Variants in PLXNA4 observed in about 807,000 individuals in gnomAD.
PLXNA4 encodes the protein plexin A4, also known as plexin-A4.
In PLXNA4, 44 loss-of-function variants were observed where a neutral mutation model predicts 191.8. The observed-to-expected ratio is 0.23, with a 90% CI of 0.18 to 0.29. PLXNA4 has a LOEUF of 0.29. Ranked by LOEUF, PLXNA4 falls within the 10% of genes least tolerant of loss-of-function variation. PLXNA4 has a pLI of 1.00. For missense variants in PLXNA4, 1,800 were observed against 2,488.8 expected (o/e 0.72, Z 5.89); for synonymous variants, 1,082 against 1,009.5 (o/e 1.07, Z -1.36).
At chr7:132,417,107 C>T (rs1794687226) in intron 3 of PLXNA4, among the ~76,000 whole-genome samples, 1 of 152,194 alleles carries the variant, frequency 6.6e-6, no homozygotes, top group Non-Finnish European at 1.5e-5. Flanking sequence ...TGTATGCCCA[C>T]TCTACAGGGA....
intron 3 of PLXNA4, chr7:132,383,744 G>C: frequency 9.1e-6 from 9 of 984,618 alleles, no homozygotes; most frequent in Non-Finnish European, 1.1e-5. Context: ...TATTACCCTT[G>C]AAACAAATTA....
chr7:132,538,086 C>T (rs1389454562), intron 1 of PLXNA4, among the ~76,000 whole-genome samples: 1 of 152,228 alleles, frequency 6.6e-6, no homozygotes, highest in Admixed American at 6.5e-5. Flanking sequence ...TCCCCTTCTC[C>T]AGTCCTCCCA....
At chr7:132,485,812 A>C (rs1256773164) in intron 3 of PLXNA4, among the ~76,000 whole-genome samples, 1 of 152,186 alleles carries the variant, frequency 6.6e-6, no homozygotes, top group Non-Finnish European at 1.5e-5. Context: ...GAAAACATCA[A>C]AGACATCTAA....
intron 25 of PLXNA4, among the ~76,000 whole-genome samples, chr7:132,157,090 TC>T (rs1179444009): frequency 1.3e-5 from 2 of 152,180 alleles, no homozygotes; most frequent in Non-Finnish European, 2.9e-5. Context: ...GGGATCTTAT[TC>T]CTCCAAGTGT....
At chr7:132,226,988 G>C (rs989370273) in intron 7 of PLXNA4, among the ~76,000 whole-genome samples, 1 of 152,252 alleles carries the variant, frequency 6.6e-6, no homozygotes, top group African/African-American at 2.4e-5. Flanking sequence ...TCCCAGGGCA[G>C]CTTGCCCCCA....
intron 4 of PLXNA4, among the ~76,000 whole-genome samples, chr7:132,251,415 G>A (rs943540064): frequency 3.9e-5 from 6 of 152,094 alleles, no homozygotes; most frequent in Admixed American, 2.0e-4. Flanking sequence ...AGAAGAAGGC[G>A]GGGAGGGGCT....
chr7:132,174,706 A>G, intron 21 of PLXNA4, 72 bp downstream of exon 21: 2 of 1,573,252 alleles, frequency 1.3e-6, no homozygotes, highest in Non-Finnish European at 1.7e-6. Flanking sequence ...CACCTCCGAA[A>G]GAAGGGGCTG....
Position 132,181,233 on chromosome 7 carries a change from G to A in PLXNA4, c.3492+148C>T, listed in dbSNP as rs1002197476. 1.2e-5 allele frequency: 17 copies of A among 1,407,544 alleles called. No individual in the cohort carries two copies. The African/African-American group carries it at 2.0e-4, about 16-fold the overall frequency. The allele number at this position is 1,407,544 out of a possible 1,614,324, so 87.2% of individuals were successfully genotyped here. A position where few individuals can be genotyped will look rare whatever the true frequency, so the allele number is the denominator to read the frequency against. ...GTTTTCTTCCCAGTACAGACTCAGA[G>A]AGAACATTTATCACACTCTGGGCTA... is the stretch of plus-strand genomic sequence containing the variant. On this transcript the variant is annotated intron_variant, in intron 18 of 31. Coordinates refer to ENST00000321063, the MANE Select transcript of PLXNA4 (RefSeq NM_020911.2).
At chr7:132,498,958 C>G (rs1418890646) in intron 2 of PLXNA4, among the ~76,000 whole-genome samples, 1 of 152,240 alleles carries the variant, frequency 6.6e-6, no homozygotes, top group South Asian at 2.1e-4. Flanking sequence ...TTGGGACCAT[C>G]TGTGGCCCAA....
chr7:132,226,216 C>T lies in PLXNA4; in HGVS notation c.1927G>A (p.Gly643Ser), dbSNP rs1460318926. The T allele has an allele frequency of 2.5e-6, 4 of 1,613,758 alleles. No homozygotes were observed. Among genetic ancestry groups the T allele is most frequent in the South Asian group, 1.1e-5 (1 of 91,070 alleles). Residue 643 changes from glycine to serine, a missense_variant, in exon 8 of 32, where the codon GGC becomes AGC. Transcript: ENST00000321063. ...VQLQLKSKET[G>S]MTFASTSFVF... The stretch of plus-strand genomic sequence containing the variant: ...AAGCTGGTGCTGGCGAAGGTCATGC[C>T]GGTCTCCTTTGATTTGAGCTGAAGC...
At chr7:132,520,476 C>T (rs561365389) in intron 1 of PLXNA4, among the ~76,000 whole-genome samples, 1 of 152,176 alleles carries the variant, frequency 6.6e-6, no homozygotes, top group Non-Finnish European at 1.5e-5. Flanking sequence ...GCCCCACCCA[C>T]CCAAGGGCTT....
intron 2 of PLXNA4, among the ~76,000 whole-genome samples, chr7:132,504,944 G>A (rs1453903106): frequency 3.3e-5 from 5 of 152,204 alleles, no homozygotes; most frequent in Non-Finnish European, 7.3e-5. Context: ...GGTCTGAGCC[G>A]ACTCCAAAGG....
At position 132,182,129 on chromosome 7, in the gene PLXNA4, G is replaced by A. The variant is rs776522827; in HGVS notation, c.3220C>T (p.Arg1074Cys). 3 of 1,614,154 alleles carry A rather than the reference G, an allele frequency of 1.9e-6. No homozygotes were observed. The highest frequency in any genetic ancestry group is 1.7e-6 in the Non-Finnish European group (2 of 1,180,038). ...HLDLIQNPQIRAKHGGKEHIN... is the reference protein window; with the variant it reads ...HLDLIQNPQICAKHGGKEHIN... ...TGCTCCTTCCCTCCATGCTTGGCAC[G>A]GATCTGGGGGTTCTGTATGAGGTCC... Residue 1074 changes from arginine to cysteine, a missense_variant, in exon 17 of 32, where the codon CGT becomes TGT. By Grantham distance (180) the Arg-to-Cys change is radical. Around this residue, in one of 6 missense-constraint regions of PLXNA4, gnomAD observed 1,397 missense variants for 1,880.4 expected, o/e 0.74. Transcript: ENST00000321063.
At chr7:132,519,748 G>A (rs1167216126) in intron 1 of PLXNA4, among the ~76,000 whole-genome samples, 5 of 152,224 alleles carry the variant, frequency 3.3e-5, no homozygotes, top group Non-Finnish European at 7.3e-5. Flanking sequence ...AGCCAGTCAT[G>A]CATCAGCCAG....
At chr7:132,411,745 C>T (rs751192520) in intron 3 of PLXNA4, among the ~76,000 whole-genome samples, 1 of 152,186 alleles carries the variant, frequency 6.6e-6, no homozygotes, top group Non-Finnish European at 1.5e-5. Flanking sequence ...CTGGCATCCC[C>T]AGTTCAAATT....
rs190603455 is a variant in PLXNA4, at chr7:132,144,996, C to T, written c.5225+123G>A. 66 of 1,407,210 alleles carry T rather than the reference C, an allele frequency of 4.7e-5. 1 individual carries two copies. The East Asian group carries it at 1.5e-3, about 32-fold the overall frequency. The allele number at this position is 1,407,210 out of a possible 1,614,324, so 87.2% of individuals were successfully genotyped here. ...ACCAGAGAATGTGCCTGCTCAGAGT[C>T]CCTGCTGATGAAAACAGGCTCTGGC... is the stretch of plus-strand genomic sequence containing the variant. On this transcript the variant is annotated intron_variant, in intron 29 of 31. Coordinates refer to ENST00000321063, the MANE Select transcript of PLXNA4 (RefSeq NM_020911.2).
At chr7:132,211,391 C>G (rs1797795860) in intron 9 of PLXNA4, among the ~76,000 whole-genome samples, 1 of 152,232 alleles carries the variant, frequency 6.6e-6, no homozygotes, top group African/African-American at 2.4e-5. Flanking sequence ...AAAACCTTCC[C>G]TATGCAATCT....
In PLXNA4 at chr7:132,508,487, A is replaced by G. The variant is rs758346106; in HGVS notation, c.207T>C (p.Asn69=). The stretch of plus-strand genomic sequence containing the variant: ...GGTCGCTGGAGAGCTTGTAAATCCG[A>G]TTGACGGCCCCCAAGTAAATGTGTC... ...RTGHIYLGAV[N]RIYKLSSDLK... Residue 69 remains asparagine, a synonymous_variant, in exon 2 of 32, where the codon AAT becomes AAC. Coordinates refer to ENST00000321063, the MANE Select transcript of PLXNA4 (RefSeq NM_020911.2). The surrounding 1 kb of genome is among the most constrained non-coding windows in gnomAD (Gnocchi z 4.4). 1.4e-5 allele frequency: 23 copies of G among 1,613,934 alleles called. No individual in the cohort carries two copies. The highest frequency in any genetic ancestry group is 1.7e-5 in the Admixed American group (1 of 60,002).
chr7:132,585,111 A>T (rs1369065508), intron 2 of PLXNA4, among the ~76,000 whole-genome samples: 1 of 152,190 alleles, frequency 6.6e-6, no homozygotes, highest in Non-Finnish European at 1.5e-5. Context: ...CCTAAAGACC[A>T]GCCAGTATCC....
Sources: allele counts gnomAD v4.1 joint callset (sites outside exome capture counted in the v4.1 genomes callset), GRCh38; gene constraint gnomAD v4.1.1; regional missense constraint gnomAD v4.1.1; non-coding constraint Gnocchi (gnomAD v3.1); transcripts MANE v1.5; gene names NCBI Gene and HGNC (gene_info 2026-07-23, HGNC 2026-07-21).